Variants in SGCZ observed in about 807,000 individuals in gnomAD.
The protein encoded by SGCZ is sarcoglycan zeta, also known as zeta-sarcoglycan.
In SGCZ, 40 loss-of-function variants were observed where a neutral mutation model predicts 41.3. The ratio of observed to expected loss-of-function variants is 0.97; its 90% CI spans 0.75 to 1.26. The LOEUF is 1.26. Ranked by LOEUF, SGCZ falls within the 50% of genes most tolerant of loss-of-function variation. The pLI is 0.00. For missense variants in SGCZ, 552 were observed against 369.8 expected (o/e 1.49, Z -4.04); for synonymous variants, 206 against 137.5 (o/e 1.50, Z -3.49).
At chr8:14,489,692 C>A (rs924431936) in intron 2 of SGCZ, among the ~76,000 whole-genome samples, 4 of 150,232 alleles carry the variant, frequency 2.7e-5, no homozygotes, top group Non-Finnish European at 4.4e-5. Flanking sequence ...TTAAATATAT[C>A]GTAAATATAA....
At chr8:14,773,057 G>A (rs1800298315) in intron 1 of SGCZ, among the ~76,000 whole-genome samples, 1 of 152,142 alleles carries the variant, frequency 6.6e-6, no homozygotes, top group African/African-American at 2.4e-5. Flanking sequence ...GTGTAAAAGT[G>A]TTCCTATTTC....
At chr8:15,063,207 C>A (rs1485598712) in intron 1 of SGCZ, among the ~76,000 whole-genome samples, 1 of 152,074 alleles carries the variant, frequency 6.6e-6, no homozygotes, top group Admixed American at 6.6e-5. Context: ...AATTGAAAAA[C>A]AGAGTCCAGA....
At chr8:14,808,058 T>C (rs1801605638) in intron 1 of SGCZ, among the ~76,000 whole-genome samples, 1 of 152,066 alleles carries the variant, frequency 6.6e-6, no homozygotes, top group South Asian at 2.1e-4. Context: ...ATCCCTTCCT[T>C]ACACCTTATA....
intron 1 of SGCZ, among the ~76,000 whole-genome samples, chr8:14,611,883 T>G (rs542792274): frequency 9.2e-5 from 14 of 152,310 alleles, no homozygotes; most frequent in Admixed American, 2.6e-4. Context: ...TTGTCACTCA[T>G]GAGCCATTGC....
chr8:14,192,514 C>A (rs1008998304), intron 4 of SGCZ, among the ~76,000 whole-genome samples: 1 of 151,648 alleles, frequency 6.6e-6, no homozygotes, highest in African/African-American at 2.4e-5. Flanking sequence ...TAAAACTTAC[C>A]CATACAATAA....
chr8:14,290,159 A>G (rs1297818047), intron 3 of SGCZ, among the ~76,000 whole-genome samples: 1 of 151,970 alleles, frequency 6.6e-6, no homozygotes, highest in Admixed American at 6.6e-5. Context: ...ACAAAATTAA[A>G]CCTTATCTTT....
intron 1 of SGCZ, among the ~76,000 whole-genome samples, chr8:14,582,014 C>A (rs573851396): frequency 6.6e-6 from 1 of 152,080 alleles, no homozygotes; most frequent in African/African-American, 2.4e-5. Context: ...AAGACAAATC[C>A]TTCCTCTTCT....
intron 1 of SGCZ, among the ~76,000 whole-genome samples, chr8:14,796,928 C>T (rs184647638): frequency 1.2e-4 from 19 of 152,238 alleles, no homozygotes; most frequent in African/African-American, 3.9e-4. Context: ...TCCTGCCACC[C>T]GATGAAGAGG....
At chr8:14,223,782 A>G (rs1372605722) in intron 4 of SGCZ, among the ~76,000 whole-genome samples, 1 of 152,248 alleles carries the variant, frequency 6.6e-6, no homozygotes, top group Non-Finnish European at 1.5e-5. Flanking sequence ...TTGGATAATC[A>G]TTCACACCAT....
intron 2 of SGCZ, among the ~76,000 whole-genome samples, chr8:14,334,428 C>G (rs1310452494): frequency 1.3e-4 from 20 of 152,058 alleles, no homozygotes; most frequent in Non-Finnish European, 7.4e-5. Context: ...TAGTTAGCTA[C>G]TCATCCAGAA....
chr8:15,186,245 G>T (rs2603524), intron 1 of SGCZ, among the ~76,000 whole-genome samples: 1 of 110,428 alleles, frequency 9.1e-6, no homozygotes, highest in Non-Finnish European at 1.7e-5. Context: ...CTGGGCAACA[G>T]AGGGAAGATT....
At chr8:14,702,080 T>A (rs1435038474) in intron 1 of SGCZ, among the ~76,000 whole-genome samples, 2 of 151,876 alleles carry the variant, frequency 1.3e-5, no homozygotes, top group East Asian at 3.9e-4. Context: ...CCTTCCTCAC[T>A]CCACAAAAAT....
chr8:14,429,301 A>G (rs1799877591), intron 2 of SGCZ, among the ~76,000 whole-genome samples: 1 of 152,212 alleles, frequency 6.6e-6, no homozygotes, highest in African/African-American at 2.4e-5. Context: ...TTGTCAGGGT[A>G]GAAGGTGAGG....
At chr8:15,076,898 A>G (rs1033853012) in intron 1 of SGCZ, among the ~76,000 whole-genome samples, 18 of 152,120 alleles carry the variant, frequency 1.2e-4, no homozygotes, top group African/African-American at 4.1e-4. Flanking sequence ...AACAAATACC[A>G]TTTTGGCAAA....
intron 3 of SGCZ, among the ~76,000 whole-genome samples, chr8:14,276,705 A>G (rs1800246081): frequency 6.6e-6 from 1 of 152,122 alleles, no homozygotes; most frequent in African/African-American, 2.4e-5. Context: ...CTATTATTCT[A>G]AAAATTCAAA....
chr8:14,313,548 C>A (rs929099942), intron 3 of SGCZ, among the ~76,000 whole-genome samples: 1 of 152,132 alleles, frequency 6.6e-6, no homozygotes, highest in African/African-American at 2.4e-5. Context: ...AACACCCGAC[C>A]TAAAATGATC....
intron 2 of SGCZ, among the ~76,000 whole-genome samples, chr8:14,417,113 T>TATGCTC (rs1312492450): frequency 1.3e-5 from 2 of 151,824 alleles, no homozygotes; most frequent in African/African-American, 2.4e-5. Flanking sequence ...AACCTGTTTC[T>TATGCTC]TAGCTGTAAG....
At chr8:15,205,266 T>G (rs1241699611) in intron 1 of SGCZ, among the ~76,000 whole-genome samples, 1 of 152,102 alleles carries the variant, frequency 6.6e-6, no homozygotes, top group Non-Finnish European at 1.5e-5. Flanking sequence ...GGGATGTAAT[T>G]AAGTTTAAAA....
At chr8:14,440,651 A>G (rs1486964476) in intron 2 of SGCZ, among the ~76,000 whole-genome samples, 1 of 151,524 alleles carries the variant, frequency 6.6e-6, no homozygotes, top group Non-Finnish European at 1.5e-5. Context: ...GTTCATATAC[A>G]TGTATATATG....
Sources: allele counts gnomAD v4.1 joint callset (sites outside exome capture counted in the v4.1 genomes callset), GRCh38; gene constraint gnomAD v4.1.1; transcripts MANE v1.5; gene names NCBI Gene and HGNC (gene_info 2026-07-23, HGNC 2026-07-21).